BRD10: variants seen among roughly 807,000 people sequenced by gnomAD.
BRD10 encodes uncharacterized bromodomain-containing protein 10.
At chr9:5,956,842 T>A in the BRD10 span, among the ~76,000 whole-genome samples, 6 of 152,240 alleles carry the variant, frequency 3.9e-5, no homozygotes, top group East Asian at 1.2e-3. Flanking sequence ...ATACTGTAAA[T>A]TATTGGTGAC....
the BRD10 span, among the ~76,000 whole-genome samples, chr9:5,961,529 T>C: frequency 2.0e-5 from 3 of 152,188 alleles, no homozygotes; most frequent in Non-Finnish European, 2.9e-5. Flanking sequence ...TTGCCTGTCT[T>C]GCTTAAATGA....
chr9:5,988,241 T>C, the BRD10 span: 1,788 of 755,014 alleles, frequency 2.4e-3, 44 homozygotes, highest in East Asian at 0.033. Context: ...TTCATACTTT[T>C]GTAACAATGC....
chr9:5,981,357 A>G, the BRD10 span, among the ~76,000 whole-genome samples: 2 of 152,210 alleles, frequency 1.3e-5, no homozygotes, highest in African/African-American at 4.8e-5. Context: ...TACCCTGGTT[A>G]CAGCCTTATT....
the BRD10 span, among the ~76,000 whole-genome samples, chr9:5,973,649 G>A: frequency 6.6e-6 from 1 of 152,200 alleles, no homozygotes; most frequent in Non-Finnish European, 1.5e-5. Flanking sequence ...AGCATTTTGG[G>A]AGGCCGAGGT....
the BRD10 span, among the ~76,000 whole-genome samples, chr9:5,930,120 G>A: frequency 7.3e-6 from 1 of 137,926 alleles, no homozygotes; most frequent in African/African-American, 2.7e-5. Flanking sequence ...AATCATGTTG[G>A]GTTTTTTTTT....
the BRD10 span, chr9:5,910,559 G>A: frequency 6.6e-6 from 1 of 152,132 alleles, no homozygotes; most frequent in Non-Finnish European, 1.5e-5. Flanking sequence ...CCTGTACACT[G>A]AGGAACCTGT....
the BRD10 span, among the ~76,000 whole-genome samples, chr9:5,912,269 G>A: frequency 2.6e-5 from 4 of 152,052 alleles, no homozygotes; most frequent in African/African-American, 9.7e-5. Context: ...TAGTTTTTTG[G>A]TGGAGTCTTT....
the BRD10 span, among the ~76,000 whole-genome samples, chr9:6,005,449 G>A: frequency 3.3e-5 from 5 of 152,210 alleles, no homozygotes; most frequent in Non-Finnish European, 7.3e-5. Flanking sequence ...AGGTTGCAGT[G>A]AGCTGAGATC....
chr9:5,999,238 CA>C, the BRD10 span, among the ~76,000 whole-genome samples: 1 of 151,802 alleles, frequency 6.6e-6, no homozygotes, highest in East Asian at 1.9e-4. Flanking sequence ...TTCAAAGAAA[CA>C]AAACAACTAA....
the BRD10 span, among the ~76,000 whole-genome samples, chr9:5,975,576 G>C: frequency 6.6e-6 from 1 of 151,884 alleles, no homozygotes; most frequent in Non-Finnish European, 1.5e-5. Flanking sequence ...TACACTTTTG[G>C]AGATAAAAAC....
the BRD10 span, among the ~76,000 whole-genome samples, chr9:5,962,156 G>A: frequency 2.6e-5 from 4 of 151,932 alleles, no homozygotes; most frequent in Non-Finnish European, 2.9e-5. Flanking sequence ...TTGATAGACC[G>A]CTAGCAAGAC....
chr9:5,906,905 C>T, the BRD10 span: 4 of 1,584,872 alleles, frequency 2.5e-6, no homozygotes, highest in Non-Finnish European at 3.4e-6. Context: ...TTCATGTTGG[C>T]ACTCAATGTG....
At chr9:5,952,275 C>A in the BRD10 span, among the ~76,000 whole-genome samples, 1 of 152,128 alleles carries the variant, frequency 6.6e-6, no homozygotes, top group Non-Finnish European at 1.5e-5. Flanking sequence ...CCTGCCTCGG[C>A]CTCCCTAAGT....
At chr9:5,906,845 C>T in the BRD10 span, 1 of 1,322,246 alleles carries the variant, frequency 7.6e-7, no homozygotes, top group Non-Finnish European at 1.0e-6. Flanking sequence ...GATTCAGTTA[C>T]TTCTTCTCAC....
At chr9:5,916,202 T>C in the BRD10 span, among the ~76,000 whole-genome samples, 1 of 152,204 alleles carries the variant, frequency 6.6e-6, no homozygotes, top group Non-Finnish European at 1.5e-5. Flanking sequence ...TCAGGTAAAC[T>C]GTTTATCATT....
chr9:5,966,125 G>C, the BRD10 span, among the ~76,000 whole-genome samples: 1 of 152,168 alleles, frequency 6.6e-6, no homozygotes, highest in African/African-American at 2.4e-5. Flanking sequence ...ACAAACAAGT[G>C]TATTCTTTTC....
At chr9:5,915,971 AT>A in the BRD10 span, among the ~76,000 whole-genome samples, 1 of 152,206 alleles carries the variant, frequency 6.6e-6, no homozygotes, top group African/African-American at 2.4e-5. Context: ...TTCTTCATAC[AT>A]TTTTAACTAT....
the BRD10 span, chr9:5,921,673 T>C: frequency 1.9e-6 from 3 of 1,613,976 alleles, no homozygotes; most frequent in African/African-American, 2.7e-5. Context: ...TATAATCTAC[T>C]TGTTGCTGTT....
chr9:5,913,613 T>C, the BRD10 span, among the ~76,000 whole-genome samples: 1 of 152,030 alleles, frequency 6.6e-6, no homozygotes, highest in Admixed American at 6.5e-5. Context: ...TAAAATCTCT[T>C]AAATCATATG....
Sources: gnomAD v4.1 joint callset for allele counts (sites outside exome capture counted in the v4.1 genomes callset) on GRCh38, gnomAD v4.1.1 for gene constraint, MANE v1.5 for transcripts, NCBI Gene and HGNC (gene_info 2026-07-23, HGNC 2026-07-21) for gene names.